Variants in NDUFC2 observed in about 807,000 individuals in gnomAD.
NDUFC2 encodes the protein NADH:ubiquinone oxidoreductase subunit C2.
A neutral mutation model predicts 10.1 loss-of-function variants in NDUFC2; 2 were observed. That is an observed-to-expected ratio of 0.20 (90% CI 0.08 to 0.62). The LOEUF is 0.62. NDUFC2 is among the 20% of genes least tolerant of loss of function. The pLI, the probability that NDUFC2 is intolerant of heterozygous loss-of-function variation, is 0.87. For synonymous variants in NDUFC2, 61 were observed against 63.6 expected, an observed-to-expected ratio of 0.96 and a Z score of 0.20; for missense variants, 156 against 159.6, an observed-to-expected ratio of 0.98 and a Z score of 0.12.
Position 78,069,123 on chromosome 11 carries a change from A to G in NDUFC2, c.*864T>C, listed in dbSNP as rs965666434. 6.6e-6 allele frequency: 1 copy of G among 152,226 alleles called. No homozygotes were observed. The highest frequency in any genetic ancestry group is 2.4e-5 in the African/African-American group (1 of 41,450). 9.4% of individuals were successfully genotyped at this position (152,226 alleles called of 1,614,324 possible). On this transcript the variant is annotated 3_prime_UTR_variant, in exon 3 of 3. Transcript: ENST00000281031. The stretch of plus-strand genomic sequence containing the variant: ...AAGTTGGTCTCGAACTCCTGGGCTC[A>G]TGCAATCTGCCCTGCCTCAGCCTCT...
rs371883536 is a variant in NDUFC2 at position 78,069,956 on chromosome 11, C to T, written c.*31G>A. On this transcript the variant is annotated 3_prime_UTR_variant, in exon 3 of 3. Coordinates refer to ENST00000281031, the MANE Select transcript of NDUFC2 (RefSeq NM_004549.6). Reference sequence around the variant, plus strand: ...CATCAAATTCAGAAACAGCAGGTATCAGTGAAACTGGAGCAAGCATTTTGA... The same window carrying T: ...CATCAAATTCAGAAACAGCAGGTATTAGTGAAACTGGAGCAAGCATTTTGA... 175 of 1,612,762 alleles carry T rather than the reference C, an allele frequency of 1.1e-4. No homozygotes were observed. Among genetic ancestry groups the T allele is most frequent in the Non-Finnish European group, 1.4e-4 (167 of 1,179,472 alleles).
Position 78,079,827 on chromosome 11 carries a change from G to A in NDUFC2, c.-83C>T, listed in dbSNP as rs566279485. The A allele has an allele frequency of 4.0e-6, 6 of 1,487,216 alleles. No individual in the cohort carries two copies. The highest frequency in any genetic ancestry group is 5.5e-5 in the Admixed American group (2 of 36,464). 92.1% of individuals were successfully genotyped at this position (1,487,216 alleles called of 1,614,324 possible). On this transcript the variant is annotated 5_prime_UTR_variant, in exon 1 of 3. Transcript: ENST00000281031. Reference sequence around the variant, plus strand: ...CGACGACCACTACCCCGGCCTAAGCGGTCAGCTTTCTCCTCCTCCTCTGCG... The same window carrying A: ...CGACGACCACTACCCCGGCCTAAGCAGTCAGCTTTCTCCTCCTCCTCTGCG...
At chr11:78,075,454 TACC>T (rs1790236786) in intron 1 of NDUFC2, among the ~76,000 whole-genome samples, 1 of 152,222 alleles carries the variant, frequency 6.6e-6, no homozygotes, top group Non-Finnish European at 1.5e-5. Flanking sequence ...TGTATCAAAA[TACC>T]ACATGTACCC....
Position 78,069,820 on chromosome 11 carries a change from A to C in NDUFC2, c.*167T>G. On this transcript the variant is annotated 3_prime_UTR_variant, in exon 3 of 3. Coordinates refer to ENST00000281031, the MANE Select transcript of NDUFC2 (RefSeq NM_004549.6). ...GAAACTGACCATTCTCTGATGATGA[A>C]CTATTTTTCTTACAACAATAAAGAG... 1 of 1,439,908 alleles carries C rather than the reference A, an allele frequency of 6.9e-7. No individual in the cohort carries two copies. The highest frequency in any genetic ancestry group is 9.5e-7 in the Non-Finnish European group (1 of 1,051,568). 89.2% of individuals were successfully genotyped at this position (1,439,908 alleles called of 1,614,324 possible).
chr11:78,072,584 CA>C (rs1261305569), intron 2 of NDUFC2, among the ~76,000 whole-genome samples: 1 of 152,220 alleles, frequency 6.6e-6, no homozygotes, highest in Non-Finnish European at 1.5e-5. Context: ...AAGAGATTAA[CA>C]AGGCCTGAAC....
chr11:78,074,255 T>G (rs1246009899), intron 1 of NDUFC2, among the ~76,000 whole-genome samples: 1 of 152,144 alleles, frequency 6.6e-6, no homozygotes, highest in Non-Finnish European at 1.5e-5. Context: ...TAGCACTTAA[T>G]ATTTATTTAA....
intron 1 of NDUFC2, among the ~76,000 whole-genome samples, 194 bp downstream of exon 1, chr11:78,079,385 G>A (rs1470010671): frequency 6.6e-6 from 1 of 152,104 alleles, no homozygotes; most frequent in Non-Finnish European, 1.5e-5. Flanking sequence ...GTTTCTTCAA[G>A]TGCCAAATGA....
rs1364196286 is a variant in NDUFC2, at chr11:78,079,841, T to G, written c.-97A>C. ...CCGGCCTAAGCGGTCAGCTTTCTCC[T>G]CCTCCTCTGCGCGCCGGACTCACGG... is the stretch of plus-strand genomic sequence containing the variant. On this transcript the variant is annotated 5_prime_UTR_variant, in exon 1 of 3. Coordinates refer to ENST00000281031, the MANE Select transcript of NDUFC2 (RefSeq NM_004549.6). The G allele has an allele frequency of 8.3e-6, 12 of 1,454,152 alleles. No homozygotes were observed. Among genetic ancestry groups the G allele is most frequent in the African/African-American group, 1.5e-5 (1 of 67,426 alleles). 90.1% of individuals were successfully genotyped at this position (1,454,152 alleles called of 1,614,324 possible). A position where few individuals can be genotyped will look rare whatever the true frequency, so the allele number is the denominator to read the frequency against.
At position 78,079,707 on chromosome 11, in the gene NDUFC2, A is replaced by G. The variant is rs1859439587; in HGVS notation, c.38T>C (p.Leu13Pro). The G allele has an allele frequency of 6.2e-7, 1 of 1,610,472 alleles. No homozygotes were observed. The highest frequency in any genetic ancestry group is 8.5e-7 in the Non-Finnish European group (1 of 1,178,730). The change falls in exon 1 of 3, where the codon CTG (leucine) becomes CCG (proline). Residue 13 changes from leucine (L) to proline (P), a missense_variant. Coordinates refer to ENST00000281031, the MANE Select transcript of NDUFC2 (RefSeq NM_004549.6). ...GGGCAGGCTCCGGGCCTCATCCGGC[A>G]GAAACCGTAAGGGTTCTGGGTTCCG... ...ARRNPEPLRFLPDEARSLPPP... is the reference protein window; with the variant it reads ...ARRNPEPLRFPPDEARSLPPP...
At chr11:78,072,267 T>C (rs1859044070) in intron 2 of NDUFC2, among the ~76,000 whole-genome samples, 2 of 152,182 alleles carry the variant, frequency 1.3e-5, no homozygotes, top group Admixed American at 1.3e-4. Flanking sequence ...AACCTCCGCC[T>C]CCCAGGTTCA....
intron 1 of NDUFC2, among the ~76,000 whole-genome samples, chr11:78,073,608 A>T (rs940260840): frequency 1.3e-4 from 19 of 151,552 alleles, no homozygotes; most frequent in African/African-American, 4.4e-4. Context: ...GGAGTACAAG[A>T]CCAGTTCACA....
intron 1 of NDUFC2, among the ~76,000 whole-genome samples, chr11:78,076,002 C>T (rs146151987): frequency 6.6e-6 from 1 of 152,336 alleles, no homozygotes; most frequent in African/African-American, 2.4e-5. Context: ...TTATGTGACA[C>T]ACACCTTCAC....
chr11:78,073,516 T>C (rs920941790), intron 1 of NDUFC2, among the ~76,000 whole-genome samples: 3 of 146,654 alleles, frequency 2.0e-5, no homozygotes, highest in Non-Finnish European at 4.5e-5. Context: ...AAAATAAAAA[T>C]AAAAAAAGCA....
chr11:78,075,428 T>C (rs926982972), intron 1 of NDUFC2, among the ~76,000 whole-genome samples: 1 of 152,190 alleles, frequency 6.6e-6, no homozygotes, highest in Non-Finnish European at 1.5e-5. Context: ...AGTTTCAACA[T>C]TACACATTGT....
chr11:78,075,869 T>C (rs981268694), intron 1 of NDUFC2, among the ~76,000 whole-genome samples: 1 of 152,122 alleles, frequency 6.6e-6, no homozygotes, highest in Non-Finnish European at 1.5e-5. Flanking sequence ...ATTACAGGTG[T>C]GAGCCACGGT....
In NDUFC2 at chr11:78,068,856, A is replaced by C. The variant is rs1858864751; in HGVS notation, c.*1131T>G. On this transcript the variant is annotated 3_prime_UTR_variant, in exon 3 of 3. Coordinates refer to ENST00000281031, the MANE Select transcript of NDUFC2 (RefSeq NM_004549.6). ...ATCTGATTATAAATTCTAAGCTAGG[A>C]AACAAAAACTTTTGGGACAAGTACT... 6.6e-6 allele frequency: 1 copy of C among 151,908 alleles called. No individual in the cohort carries two copies. The highest frequency in any genetic ancestry group is 2.1e-4 in the South Asian group (1 of 4,816). The allele number at this position is 151,908 out of a possible 1,614,324, so 9.4% of individuals were successfully genotyped here.
rs1859148447 is a variant in NDUFC2 at position 78,074,265 on chromosome 11, A to G, written c.167-1124T>C. Among the ~76,000 whole-genome samples the G allele has an allele frequency of 2.0e-5, 3 of 152,250 alleles. 1 individual carries two copies. In the South Asian group the frequency reaches 6.2e-4, roughly 32 times the overall value. On this transcript the variant is annotated intron_variant, in intron 1 of 2. Coordinates refer to ENST00000281031, the MANE Select transcript of NDUFC2 (RefSeq NM_004549.6). The stretch of plus-strand genomic sequence containing the variant: ...GCATATAGCACTTAATATTTATTTA[A>G]TAAATGAATGAACAGCCTTGGGCAA...
At chr11:78,072,929 A>G (rs1859071718) in intron 2 of NDUFC2, 69 bp downstream of exon 2, 2 of 1,571,964 alleles carry the variant, frequency 1.3e-6, no homozygotes, top group East Asian at 2.2e-5. Flanking sequence ...AGCCATACAC[A>G]TGGATAAGAT....
At chr11:78,077,241 A>G (rs1422667115) in intron 1 of NDUFC2, among the ~76,000 whole-genome samples, 1 of 151,894 alleles carries the variant, frequency 6.6e-6, no homozygotes, top group Non-Finnish European at 1.5e-5. Flanking sequence ...GCAGTGAGCC[A>G]TGAGTGCACC....
Sources: gnomAD v4.1 joint callset for allele counts (sites outside exome capture counted in the v4.1 genomes callset) on GRCh38, gnomAD v4.1.1 for gene constraint, MANE v1.5 for transcripts, NCBI Gene and HGNC (gene_info 2026-07-23, HGNC 2026-07-21) for gene names.